Variants in SH3TC2 observed in about 807,000 individuals in gnomAD.
SH3TC2 encodes the protein SH3 domain and tetratricopeptide repeats 2.
A neutral mutation model predicts 124.5 loss-of-function variants in SH3TC2; 87 were observed. The observed-to-expected ratio is 0.70, with a 90% CI of 0.59 to 0.84. The LOEUF is 0.84. Ranked by LOEUF, SH3TC2 falls within the 40% of genes least tolerant of loss-of-function variation. SH3TC2 has a pLI of 0.00. For missense variants in SH3TC2, 1,536 were observed against 1,566.4 expected, an observed-to-expected ratio of 0.98 and a Z score of 0.33; for synonymous variants, 634 against 628.5, an observed-to-expected ratio of 1.01 and a Z score of -0.13.
At position 148,990,731 on chromosome 5, in the gene SH3TC2, A is replaced by G. The variant is rs548802448; in HGVS notation, c.*13980T>C. ...TAATCCAATGCTTTATACACCATAA[A>G]TGCTCAGTAAACATTAGCTGTGTTA... On this transcript the variant is annotated 3_prime_UTR_variant, in exon 17 of 17. Coordinates refer to ENST00000515425, the MANE Select transcript of SH3TC2 (RefSeq NM_024577.4). 9.2e-5 allele frequency among the ~76,000 whole-genome samples: 14 copies of G among 152,374 alleles called. No individual in the cohort carries two copies. Among genetic ancestry groups the G allele is most frequent in the African/African-American group, 3.4e-4 (14 of 41,588 alleles).
chr5:149,040,663 T>C lies in SH3TC2; in HGVS notation c.746A>G (p.Asn249Ser), dbSNP rs760971566. Residue 249 changes from asparagine to serine, a missense_variant, in exon 7 of 17, where the codon AAT becomes AGT. Around this residue, in one of 3 missense-constraint regions of SH3TC2, gnomAD observed 1,102 missense variants for 1,098.6 expected, o/e 1.00. Coordinates refer to ENST00000515425, the MANE Select transcript of SH3TC2 (RefSeq NM_024577.4). ...GGAAAGGCCACAGCTTCCTGGATAA[T>C]TCTTTAGGAACCACCTGCCAATGAA... is the stretch of plus-strand genomic sequence containing the variant. ...PLPFHQWFLK[N>S]YPGSCGLSRK... is the part of the protein sequence containing the mutation. 6 of 1,614,174 alleles carry C rather than the reference T, an allele frequency of 3.7e-6. No individual in the cohort carries two copies. The highest frequency in any genetic ancestry group is 5.1e-6 in the Non-Finnish European group (6 of 1,180,014).
rs1313270208 is a variant in SH3TC2 at position 149,007,106 on chromosome 5, C to A, written c.3479-29G>T. Reference sequence around the variant, plus strand: ...AGAATTGGAAGACTGAGAGAGATATCCTGCAACCAACACTTTGCATCATTT... The same window carrying A: ...AGAATTGGAAGACTGAGAGAGATATACTGCAACCAACACTTTGCATCATTT... On this transcript the variant is annotated intron_variant, in intron 15 of 16. Coordinates refer to ENST00000515425, the MANE Select transcript of SH3TC2 (RefSeq NM_024577.4). 1.9e-6 allele frequency: 3 copies of A among 1,605,090 alleles called. No homozygotes were observed. In the South Asian group the frequency reaches 3.3e-5, roughly 18 times the overall value.
rs142302131 is a variant in SH3TC2, at chr5:149,018,563, G to C, written c.3054-5829C>G. ...GTTATAAAACCATCAGATCGCATGA[G>C]ACTTATTCACTACCATGAGAAGAGT... On this transcript the variant is annotated intron_variant, in intron 12 of 16. Coordinates refer to ENST00000515425, the MANE Select transcript of SH3TC2 (RefSeq NM_024577.4). 1.7e-3 allele frequency among the ~76,000 whole-genome samples: 258 copies of C among 152,232 alleles called. 3 individuals carry two copies. The East Asian group carries it at 0.03, about 18-fold the overall frequency.
At chr5:149,025,032 T>G (rs753927125) in intron 12 of SH3TC2, among the ~76,000 whole-genome samples, 15 of 152,140 alleles carry the variant, frequency 9.9e-5, no homozygotes, top group Admixed American at 4.6e-4. Flanking sequence ...TTCCTTAGAA[T>G]CCAACTTTTC....
intron 1 of SH3TC2, among the ~76,000 whole-genome samples, chr5:149,062,040 G>A (rs1421151397): frequency 1.9e-4 from 29 of 152,120 alleles, no homozygotes; most frequent in Non-Finnish European, 5.9e-5. Flanking sequence ...TAAGACTAAA[G>A]AAGAAAGTTG....
intron 12 of SH3TC2, among the ~76,000 whole-genome samples, chr5:149,013,680 G>A (rs983990123): frequency 9.2e-5 from 14 of 152,130 alleles, no homozygotes; most frequent in Non-Finnish European, 1.6e-4. Flanking sequence ...ATTGTATTTT[G>A]TAGAAAACTC....
intron 12 of SH3TC2, among the ~76,000 whole-genome samples, chr5:149,023,686 G>A (rs1056843872): frequency 4.8e-5 from 7 of 147,008 alleles, no homozygotes; most frequent in Admixed American, 1.4e-4. Context: ...GGGTTCAAGC[G>A]ATTCTCCTGC....
chr5:149,051,486 C>G (rs1318107658), intron 2 of SH3TC2, among the ~76,000 whole-genome samples: 1 of 152,222 alleles, frequency 6.6e-6, no homozygotes, highest in Admixed American at 6.5e-5. Context: ...GGGTCTCACT[C>G]TGTTACCCAG....
intron 2 of SH3TC2, among the ~76,000 whole-genome samples, chr5:149,051,004 G>A (rs36078): frequency 0.22 from 34,003 of 151,990 alleles, 4,115 homozygotes; most frequent in African/African-American, 0.3. Context: ...TCCACCTAGC[G>A]ATGGGCAAGC....
In SH3TC2 at chr5:149,062,115, G is replaced by A. The variant is rs139697317; in HGVS notation, c.52+856C>T. Among the ~76,000 whole-genome samples, 6 of 152,208 alleles carry A rather than the reference G, an allele frequency of 3.9e-5. No homozygotes were observed. The East Asian group carries it at 9.7e-4, about 25-fold the overall frequency. On this transcript the variant is annotated intron_variant, in intron 1 of 16. Coordinates refer to ENST00000515425, the MANE Select transcript of SH3TC2 (RefSeq NM_024577.4). ...CTTAGCTCCTTCTCTCAGGAACCATGGTGGAGCTCCAGGAAGACACAGAGT... is the reference window on the plus strand; with the variant it reads ...CTTAGCTCCTTCTCTCAGGAACCATAGTGGAGCTCCAGGAAGACACAGAGT...
chr5:149,003,603 C>A lies in SH3TC2; in HGVS notation c.*1108G>T. 5.2e-6 allele frequency: 1 copy of A among 194,052 alleles called. No homozygotes were observed. Among genetic ancestry groups the A allele is most frequent in the Admixed American group, 5.8e-5 (1 of 17,108 alleles). 12.0% of individuals were successfully genotyped at this position (194,052 alleles called of 1,614,324 possible). A position where few individuals can be genotyped will look rare whatever the true frequency, so the allele number is the denominator to read the frequency against. On this transcript the variant is annotated 3_prime_UTR_variant, in exon 17 of 17. Coordinates refer to ENST00000515425, the MANE Select transcript of SH3TC2 (RefSeq NM_024577.4). ...GCTTGGATTCCTGCCCTTCAGAAAC[C>A]ATGAGATTATAAGTGTTTTAGGCCA...
intron 14 of SH3TC2, 118 bp from the exon 15 acceptor site, chr5:149,009,119 G>A: frequency 2.5e-6 from 3 of 1,197,486 alleles, no homozygotes; most frequent in East Asian, 2.3e-5. Context: ...TAAAACAAAG[G>A]GGAGTCAGCC....
chr5:148,986,484 C>G lies in SH3TC2; in HGVS notation c.*18227G>C, dbSNP rs1296998070. ...TCCTTGTCTTACTTTTATCATAGCA[C>G]TCATTTTTCTGCTGTTTCTCTGACC... On this transcript the variant is annotated 3_prime_UTR_variant, in exon 17 of 17. Transcript: ENST00000515425. 6.6e-6 allele frequency among the ~76,000 whole-genome samples: 1 copy of G among 152,182 alleles called. No homozygotes were observed. The highest frequency in any genetic ancestry group is 1.5e-5 in the Non-Finnish European group (1 of 68,044).
intron 15 of SH3TC2, chr5:149,008,056 A>G (rs1176297005): frequency 6.5e-6 from 1 of 152,676 alleles, no homozygotes; most frequent in Non-Finnish European, 1.5e-5. Flanking sequence ...GGAAAAAGGT[A>G]GGGAAAAGAG....
chr5:149,025,181 G>A (rs1447223955), intron 12 of SH3TC2, among the ~76,000 whole-genome samples: 1 of 152,086 alleles, frequency 6.6e-6, no homozygotes, highest in Non-Finnish European at 1.5e-5. Context: ...GGTGGAGCTG[G>A]GGCCTCCTGA....
At chr5:149,007,934 C>G (rs578217277) in intron 15 of SH3TC2, 1 of 152,660 alleles carries the variant, frequency 6.6e-6, no homozygotes, top group African/African-American at 2.4e-5. Flanking sequence ...TACAACCTCC[C>G]TTCAGCTCCC....
rs77141759 is a variant in SH3TC2, at chr5:149,014,004, C to G, written c.3054-1270G>C. ...TTGGCTTGAGACTTGCTGATCTAGT[C>G]CAATCTTCTTATTTTATAGAGGAAA... is the stretch of plus-strand genomic sequence containing the variant. On this transcript the variant is annotated intron_variant, in intron 12 of 16. Transcript: ENST00000515425. 7.4e-3 allele frequency among the ~76,000 whole-genome samples: 1,121 copies of G among 152,202 alleles called. 10 individuals carry two copies. The highest frequency in any genetic ancestry group is 0.026 in the African/African-American group (1,086 of 41,518).
chr5:148,988,759 A>G lies in SH3TC2; in HGVS notation c.*15952T>C, dbSNP rs1753375929. Among the ~76,000 whole-genome samples the G allele has an allele frequency of 6.6e-6, 1 of 152,258 alleles. No homozygotes were observed. The highest frequency in any genetic ancestry group is 2.4e-5 in the African/African-American group (1 of 41,476). ...AGAATTGCCCGGGTGAGCCCAGTCA[A>G]TCCATCAGACCAACAGATGATGATA... On this transcript the variant is annotated 3_prime_UTR_variant, in exon 17 of 17. Transcript: ENST00000515425.
chr5:149,061,533 T>C (rs767225848), intron 1 of SH3TC2, among the ~76,000 whole-genome samples: 1 of 152,166 alleles, frequency 6.6e-6, no homozygotes, highest in Non-Finnish European at 1.5e-5. Context: ...AGACTTAATC[T>C]CCACCACAGC....
Sources: gnomAD v4.1 joint callset for allele counts (sites outside exome capture counted in the v4.1 genomes callset) on GRCh38, gnomAD v4.1.1 for gene constraint, gnomAD v4.1.1 regional missense constraint, MANE v1.5 for transcripts, NCBI Gene and HGNC (gene_info 2026-07-23, HGNC 2026-07-21) for gene names.